Variants in CPLX2 observed in about 807,000 individuals in gnomAD.
CPLX2 encodes the protein complexin-2.
Under a neutral mutation model 16.3 loss-of-function variants are expected in CPLX2, and 5 were observed. The ratio of observed to expected loss-of-function variants is 0.31; its 90% CI spans 0.16 to 0.64. The LOEUF (loss-of-function observed/expected upper bound fraction) is 0.64, where lower values mean the gene tolerates loss of function less well. Among genes scored for constraint, CPLX2 ranks in the 30% least tolerant of loss-of-function variants. The probability of loss-of-function intolerance (pLI) is 0.79; values close to 1 mark genes in which losing one functional copy is unlikely to be tolerated. For missense variants in CPLX2, 144 were observed against 181.4 expected (o/e 0.79, Z 1.18); for synonymous variants, 89 against 73.2 (o/e 1.22, Z -1.10).
At position 175,852,762 on chromosome 5, in the gene CPLX2, G is replaced by T. The variant is rs554018776; in HGVS notation, c.-88-25890G>T. ...AGAGCTGAGGCCAAGGACCAGCTAG[G>T]TGGGATGGGAAGTAGGGCTGACCCC... On this transcript the variant is annotated intron_variant, in intron 2 of 4. Transcript: ENST00000359546. Among the ~76,000 whole-genome samples the T allele has an allele frequency of 1.3e-3, 197 of 152,322 alleles. 1 individual carries two copies. Among genetic ancestry groups the T allele is most frequent in the Non-Finnish European group, 1.4e-3 (93 of 68,026 alleles).
chr5:175,831,255 G>C (rs916513019), intron 2 of CPLX2, among the ~76,000 whole-genome samples: 1 of 152,144 alleles, frequency 6.6e-6, no homozygotes, highest in African/African-American at 2.4e-5. Context: ...AAGAGCATTC[G>C]CTCTCTCCAG....
At position 175,861,851 on chromosome 5, in the gene CPLX2, C is replaced by T. The variant is rs1759380296; in HGVS notation, c.-88-16801C>T. On this transcript the variant is annotated intron_variant, in intron 2 of 4. Coordinates refer to the CPLX2 transcript ENST00000359546. ...TGTAGGCTGGAAACTGGGACTAACT[C>T]TCTAACAAAGAGGTTCTGGCAGAGT... 2.0e-5 allele frequency: 3 copies of T among 152,188 alleles called. No individual in the cohort carries two copies. The South Asian group carries it at 6.2e-4, about 32-fold the overall frequency. 9.4% of individuals were successfully genotyped at this position (152,188 alleles called of 1,614,324 possible). A position where few individuals can be genotyped will look rare whatever the true frequency, so the allele number is the denominator to read the frequency against.
intron 2 of CPLX2, among the ~76,000 whole-genome samples, chr5:175,848,796 CAAG>C (rs1255454384): frequency 6.6e-6 from 1 of 152,030 alleles, no homozygotes; most frequent in Non-Finnish European, 1.5e-5. Flanking sequence ...ATGTGAATAC[CAAG>C]AAGGAGCCTG....
intron 2 of CPLX2, among the ~76,000 whole-genome samples, chr5:175,816,770 T>C (rs972433048): frequency 4.6e-5 from 7 of 152,200 alleles, no homozygotes; most frequent in African/African-American, 1.7e-4. Context: ...TGAAAGCACC[T>C]CTTAATTTGC....
Position 175,815,114 on chromosome 5 carries a change from G to A in CPLX2, c.-89+6046G>A, listed in dbSNP as rs1284333552. Among the ~76,000 whole-genome samples the A allele has an allele frequency of 3.9e-5, 6 of 152,264 alleles. No individual in the cohort carries two copies. In the East Asian group the frequency reaches 9.7e-4, roughly 25 times the overall value. On this transcript the variant is annotated intron_variant, in intron 2 of 4. Transcript: ENST00000359546. ...GTGGTCTCCTAGGTTTCACTCTCTG[G>A]GACCATCCCTGAGGCCTCCTTTCTC...
intron 2 of CPLX2, among the ~76,000 whole-genome samples, chr5:175,829,646 C>G (rs1449303573): frequency 6.6e-6 from 1 of 152,212 alleles, no homozygotes; most frequent in Non-Finnish European, 1.5e-5. Context: ...AATAAAACTT[C>G]CGGCCACACA....
At chr5:175,842,716 C>T (rs1466289355) in intron 2 of CPLX2, among the ~76,000 whole-genome samples, 2 of 152,228 alleles carry the variant, frequency 1.3e-5, no homozygotes, top group African/African-American at 2.4e-5. Context: ...GACAGCTGCT[C>T]GGTGGCCCCA....
intron 2 of CPLX2, among the ~76,000 whole-genome samples, chr5:175,829,668 C>A (rs986867025): frequency 6.6e-5 from 10 of 152,220 alleles, no homozygotes; most frequent in African/African-American, 2.4e-4. Context: ...AGTCACAAAG[C>A]ATCCTCTACC....
intron 2 of CPLX2, among the ~76,000 whole-genome samples, chr5:175,818,650 C>CTTTT (rs70988300): frequency 0.012 from 610 of 50,874 alleles, 157 homozygotes; most frequent in African/African-American, 0.027. Flanking sequence ...CTGTCCCAAC[C>CTTTT]TTTTTTTTTT....
chr5:175,833,524 G>A (rs1758769956), intron 2 of CPLX2, among the ~76,000 whole-genome samples: 1 of 152,204 alleles, frequency 6.6e-6, no homozygotes, highest in African/African-American at 2.4e-5. Flanking sequence ...AGACATCTAA[G>A]CTGAGACCAG....
At chr5:175,838,296 C>T (rs1316510558) in intron 2 of CPLX2, among the ~76,000 whole-genome samples, 23 of 126,086 alleles carry the variant, frequency 1.8e-4, no homozygotes, top group African/African-American at 7.1e-4. Context: ...GAGATGGAGT[C>T]TTGCTCTGTT....
rs1319180486 is a variant in CPLX2 at position 175,806,746 on chromosome 5, C to A, written c.-168-2243C>A. Among the ~76,000 whole-genome samples, 7 of 152,052 alleles carry A rather than the reference C, an allele frequency of 4.6e-5. No homozygotes were observed. The East Asian group carries it at 1.4e-3, about 29-fold the overall frequency. On this transcript the variant is annotated intron_variant, in intron 1 of 4. Transcript: ENST00000359546. ...ACTCCCTACCTCAGGCGATCCATCA[C>A]CTCAGCCTCCCAAAGTGCTGGGATT... is the stretch of plus-strand genomic sequence containing the variant.
At chr5:175,828,518 C>A (rs1401200273) in intron 2 of CPLX2, among the ~76,000 whole-genome samples, 1 of 152,134 alleles carries the variant, frequency 6.6e-6, no homozygotes, top group Admixed American at 6.5e-5. Flanking sequence ...CTAGTGAGCT[C>A]CTCATTCCTG....
chr5:175,882,550 C>T lies in CPLX2; in HGVS notation c.*2505C>T, dbSNP rs1327460159. The T allele has an allele frequency of 6.5e-6, 1 of 152,680 alleles. No homozygotes were observed. The highest frequency in any genetic ancestry group is 1.5e-5 in the Non-Finnish European group (1 of 68,096). The allele number at this position is 152,680 out of a possible 1,614,324, so 9.5% of individuals were successfully genotyped here. ...GGACCCCAGACCTTCAGAGGGCTGC[C>T]CTGGTGTTCTCCACAGTGCAGTCCC... On this transcript the variant is annotated 3_prime_UTR_variant, in exon 4 of 4. Coordinates refer to ENST00000393745, the MANE Select transcript of CPLX2 (RefSeq NM_001008220.2).
At chr5:175,823,652 G>T (rs138840259) in intron 2 of CPLX2, among the ~76,000 whole-genome samples, 1 of 152,320 alleles carries the variant, frequency 6.6e-6, no homozygotes, top group African/African-American at 2.4e-5. Flanking sequence ...AGTGGATCAA[G>T]GTTACAGGGG....
chr5:175,853,128 G>A (rs950043513), intron 2 of CPLX2, among the ~76,000 whole-genome samples: 7 of 152,194 alleles, frequency 4.6e-5, no homozygotes, highest in Admixed American at 2.0e-4. Context: ...CTAGTTTTCT[G>A]GTTTAAAGTG....
At chr5:175,797,345 C>G (rs955380123) in intron 1 of CPLX2, among the ~76,000 whole-genome samples, 12 of 152,198 alleles carry the variant, frequency 7.9e-5, no homozygotes, top group Admixed American at 3.3e-4. Context: ...GTCCGCCGCC[C>G]GCCGAGGCCT....
At chr5:175,810,003 C>T (rs1758283012) in intron 2 of CPLX2, among the ~76,000 whole-genome samples, 1 of 152,138 alleles carries the variant, frequency 6.6e-6, no homozygotes, top group South Asian at 2.1e-4. Flanking sequence ...CAGAGAATGC[C>T]ACTGAGGAAT....
intron 2 of CPLX2, among the ~76,000 whole-genome samples, chr5:175,810,374 A>G (rs769198991): frequency 2.0e-5 from 3 of 152,148 alleles, no homozygotes; most frequent in African/African-American, 4.8e-5. Flanking sequence ...ATTCCCAGCA[A>G]CCTTCTTCAG....
Sources: allele counts gnomAD v4.1 joint callset (sites outside exome capture counted in the v4.1 genomes callset), GRCh38; gene constraint gnomAD v4.1.1; transcripts MANE v1.5; gene names NCBI Gene and HGNC (gene_info 2026-07-23, HGNC 2026-07-21).